Variants in LOC400499 observed in about 807,000 individuals in gnomAD.
chr16:11,444,025 G>A, the LOC400499 span, among the ~76,000 whole-genome samples: 1 of 151,814 alleles, frequency 6.6e-6, no homozygotes. Context: ...TTTTTTAGTA[G>A]AGATGGGGTT....
At chr16:11,480,699 G>C in the LOC400499 span, among the ~76,000 whole-genome samples, 2 of 152,188 alleles carry the variant, frequency 1.3e-5, no homozygotes, top group African/African-American at 4.8e-5. Flanking sequence ...ACGCCCGACA[G>C]GTATAAATAC....
the LOC400499 span, chr16:11,396,682 CGA>C: frequency 8.1e-7 from 1 of 1,232,076 alleles, no homozygotes; most frequent in Non-Finnish European, 1.0e-6. Context: ...GGGCCTGGGA[CGA>C]GAGAGTCTAG....
chr16:11,392,893 G>A, the LOC400499 span: 60 of 737,690 alleles, frequency 8.1e-5, no homozygotes, highest in Admixed American at 2.1e-3. Context: ...TCGCTCTGTC[G>A]CCTAGGCTGG....
chr16:11,385,202 C>A, the LOC400499 span: 8 of 1,232,120 alleles, frequency 6.5e-6, no homozygotes, highest in Non-Finnish European at 6.1e-6. Flanking sequence ...CCATGCCTCT[C>A]CTGCTCACCT....
At chr16:11,503,631 G>A in the LOC400499 span, among the ~76,000 whole-genome samples, 1 of 152,200 alleles carries the variant, frequency 6.6e-6, no homozygotes, top group South Asian at 2.1e-4. Flanking sequence ...CCCTGCACAC[G>A]CAGCTCGATC....
chr16:11,451,953 GA>G, the LOC400499 span, among the ~76,000 whole-genome samples: 1 of 152,136 alleles, frequency 6.6e-6, no homozygotes, highest in Non-Finnish European at 1.5e-5. Flanking sequence ...AGAACAGAAG[GA>G]ACGCACGGAT....
At chr16:11,502,917 C>CT in the LOC400499 span, among the ~76,000 whole-genome samples, 1,428 of 97,988 alleles carry the variant, frequency 0.015, 58 homozygotes, top group East Asian at 0.15. Flanking sequence ...CCTGGACCAC[C>CT]TTTTTTTTTT....
chr16:11,463,234 C>T, the LOC400499 span, among the ~76,000 whole-genome samples: 5 of 150,650 alleles, frequency 3.3e-5, no homozygotes, highest in Non-Finnish European at 5.9e-5. Context: ...TTGATGGCCC[C>T]GCCAACCTGT....
the LOC400499 span, among the ~76,000 whole-genome samples, chr16:11,525,177 G>T: frequency 6.6e-6 from 1 of 151,878 alleles, no homozygotes; most frequent in Non-Finnish European, 1.5e-5. Flanking sequence ...CCAGCTACTC[G>T]TGGGAGGTGG....
chr16:11,511,498 A>G, the LOC400499 span, among the ~76,000 whole-genome samples: 2 of 152,214 alleles, frequency 1.3e-5, no homozygotes, highest in Admixed American at 6.5e-5. Flanking sequence ...GTACAATGGA[A>G]TATTATTCAG....
At chr16:11,502,924 T>A in the LOC400499 span, among the ~76,000 whole-genome samples, 1 of 142,300 alleles carries the variant, frequency 7.0e-6, no homozygotes, top group Non-Finnish European at 1.5e-5. Context: ...CACCTTTTTT[T>A]TTTTTTTTTT....
the LOC400499 span, chr16:11,425,202 C>A: frequency 1.3e-5 from 5 of 398,930 alleles, no homozygotes; most frequent in Admixed American, 8.8e-5. Context: ...GGAGCAGGCG[C>A]CACCCAGAGC....
the LOC400499 span, among the ~76,000 whole-genome samples, chr16:11,375,597 G>A: frequency 1.1e-4 from 17 of 152,158 alleles, no homozygotes; most frequent in Admixed American, 3.9e-4. Context: ...ACAGGCGTGA[G>A]CCACTGTGCC....
chr16:11,447,416 A>G, the LOC400499 span, among the ~76,000 whole-genome samples: 5 of 152,032 alleles, frequency 3.3e-5, no homozygotes, highest in South Asian at 1.0e-3. Flanking sequence ...GCCATTTTCC[A>G]TGTGCCCAGA....
the LOC400499 span, chr16:11,460,461 T>C: frequency 6.6e-7 from 1 of 1,514,842 alleles, no homozygotes; most frequent in Non-Finnish European, 8.8e-7. Context: ...ATGTCGCACC[T>C]GGCCTGGGAA....
chr16:11,462,941 C>T, the LOC400499 span, among the ~76,000 whole-genome samples: 1 of 152,214 alleles, frequency 6.6e-6, no homozygotes, highest in South Asian at 2.1e-4. Flanking sequence ...GCCTGTCTCA[C>T]TGCAACATCC....
the LOC400499 span, among the ~76,000 whole-genome samples, chr16:11,419,858 G>A: frequency 2.6e-5 from 4 of 151,542 alleles, no homozygotes; most frequent in South Asian, 4.2e-4. Flanking sequence ...CATCATCACT[G>A]GCCATCAGAG....
chr16:11,520,130 GT>G, the LOC400499 span, among the ~76,000 whole-genome samples: 2 of 152,200 alleles, frequency 1.3e-5, no homozygotes, highest in African/African-American at 4.8e-5. Context: ...CAGAGCTTCT[GT>G]TTAGGATGAT....
chr16:11,394,583 A>T, the LOC400499 span, among the ~76,000 whole-genome samples: 1 of 152,236 alleles, frequency 6.6e-6, no homozygotes, highest in Non-Finnish European at 1.5e-5. Context: ...AACCTTCTAT[A>T]CCTGTGAACG....
Sources: gnomAD v4.1 joint callset for allele counts (sites outside exome capture counted in the v4.1 genomes callset) on GRCh38, gnomAD v4.1.1 for gene constraint, MANE v1.5 for transcripts.